The following FBXO25 variants were observed in gnomAD, a reference collection of about 807,000 sequenced individuals.
FBXO25 encodes the protein F-box only protein 25.
In FBXO25, 45 loss-of-function variants were observed where a neutral mutation model predicts 51.9. The ratio of observed to expected loss-of-function variants is 0.87; its 90% CI spans 0.68 to 1.11. The LOEUF (loss-of-function observed/expected upper bound fraction) is 1.11. Ranked by LOEUF, FBXO25 falls within the 50% of genes most tolerant of loss-of-function variation. The pLI is 0.00. For synonymous variants in FBXO25, 199 were observed against 151.0 expected, an observed-to-expected ratio of 1.32 and a Z score of -2.33; for missense variants, 507 against 428.5, an observed-to-expected ratio of 1.18 and a Z score of -1.62.
At position 451,334 on chromosome 8, in the gene FBXO25, T is replaced by C. The variant is rs373138185; in HGVS notation, c.541T>C (p.Cys181Arg). ...TCTGCAAGACCTAAGCTCTACCCTC[T>C]GCATTCTTATTAGAGGAGTAGGGAA... is the stretch of plus-strand genomic sequence containing the variant. ...DLLQDLSSTL[C>R]ILIRGVGKSV... The change falls in exon 7 of 10, where the codon TGC becomes CGC. Residue 181 changes from cysteine to arginine, a missense_variant. Cys to Arg is a radical substitution (Grantham distance 180, BLOSUM62 -3). Transcript: ENST00000350302. 2 of 1,613,986 alleles carry C rather than the reference T, an allele frequency of 1.2e-6. No individual in the cohort carries two copies. The highest frequency in any genetic ancestry group is 8.5e-7 in the Non-Finnish European group (1 of 1,179,932).
At chr8:464,658 T>A (rs576532266) in intron 9 of FBXO25, among the ~76,000 whole-genome samples, 1 of 152,366 alleles carries the variant, frequency 6.6e-6, no homozygotes, top group East Asian at 1.9e-4. Context: ...GCTTTTCATT[T>A]TTTCATTTCA....
At chr8:430,927 G>A (rs1442881961) in intron 2 of FBXO25, among the ~76,000 whole-genome samples, 1 of 152,170 alleles carries the variant, frequency 6.6e-6, no homozygotes, top group African/African-American at 2.4e-5. Flanking sequence ...CCCTTATATA[G>A]GGAGTAAACA....
rs556305620 is a variant in FBXO25 at position 472,262 on chromosome 8, G to T, written c.*3458G>T. ...CTTCTATTCCTAGTTTGTTTTTATC[G>T]TGAAAGGGTGTGGATTTTGTCAAAT... is the stretch of plus-strand genomic sequence containing the variant. On this transcript the variant is annotated 3_prime_UTR_variant, in exon 10 of 10. Coordinates refer to ENST00000350302, the MANE Select transcript of FBXO25 (RefSeq NM_183420.2). 1 of 152,108 alleles carries T rather than the reference G, an allele frequency of 6.6e-6. No homozygotes were observed. Among genetic ancestry groups the T allele is most frequent in the African/African-American group, 2.4e-5 (1 of 41,424 alleles). 9.4% of individuals were successfully genotyped at this position (152,108 alleles called of 1,614,324 possible). A position where few individuals can be genotyped will look rare whatever the true frequency, so the allele number is the denominator to read the frequency against.
chr8:461,624 G>A (rs1799817892), intron 8 of FBXO25, among the ~76,000 whole-genome samples: 1 of 152,002 alleles, frequency 6.6e-6, no homozygotes, highest in South Asian at 2.1e-4. Flanking sequence ...TAAAACATCA[G>A]CATCACCTCA....
Position 474,171 on chromosome 8 carries a change from T to G in FBXO25, c.*5367T>G. ...TCTCCTTTGTCTCTTTTAATTTGAC[T>G]TCTGTAGGGACCTCGTATGAGTGGA... On this transcript the variant is annotated 3_prime_UTR_variant, in exon 10 of 10. Transcript: ENST00000350302. The G allele has an allele frequency of 6.3e-6, 1 of 157,632 alleles. No homozygotes were observed. Among genetic ancestry groups the G allele is most frequent in the Non-Finnish European group, 1.4e-5 (1 of 72,294 alleles). 9.8% of individuals were successfully genotyped at this position (157,632 alleles called of 1,614,324 possible).
intron 3 of FBXO25, among the ~76,000 whole-genome samples, chr8:431,929 T>C (rs961583855): frequency 1.3e-5 from 2 of 152,194 alleles, no homozygotes; most frequent in African/African-American, 4.8e-5. Context: ...TATAGTAGGC[T>C]CCCTTACCTC....
At chr8:452,023 T>C (rs1282539355) in intron 7 of FBXO25, among the ~76,000 whole-genome samples, 1 of 152,198 alleles carries the variant, frequency 6.6e-6, no homozygotes, top group Non-Finnish European at 1.5e-5. Flanking sequence ...CTAGTACTCA[T>C]AAGAAAAAGA....
At chr8:409,325 A>G (rs1328748388) in intron 1 of FBXO25, among the ~76,000 whole-genome samples, 1 of 152,202 alleles carries the variant, frequency 6.6e-6, no homozygotes, top group Non-Finnish European at 1.5e-5. Flanking sequence ...AGAGAAACAA[A>G]TCTTTTCCTC....
chr8:463,719 T>C (rs116376831), intron 9 of FBXO25, among the ~76,000 whole-genome samples: 1,949 of 152,348 alleles, frequency 0.013, 37 homozygotes, highest in African/African-American at 0.044. Context: ...GCAAGTCTCA[T>C]CCCTTCATCC....
intron 4 of FBXO25, among the ~76,000 whole-genome samples, chr8:433,975 C>G (rs1211372106): frequency 2.0e-5 from 3 of 152,156 alleles, no homozygotes; most frequent in African/African-American, 4.8e-5. Context: ...CGTGAAAGAC[C>G]ATTAAATATT....
intron 8 of FBXO25, among the ~76,000 whole-genome samples, 156 bp from the exon 9 acceptor site, chr8:462,851 A>G (rs899425975): frequency 2.4e-4 from 36 of 152,176 alleles, no homozygotes; most frequent in African/African-American, 8.7e-4. Context: ...GCACTGTACA[A>G]TTCATCCATG....
chr8:463,827 T>C (rs575536180), intron 9 of FBXO25, among the ~76,000 whole-genome samples: 1 of 152,322 alleles, frequency 6.6e-6, no homozygotes, highest in African/African-American at 2.4e-5. Flanking sequence ...TCTTTTTTCT[T>C]TTTTGAAATA....
chr8:425,892 CTTT>C (rs202143545), intron 2 of FBXO25, among the ~76,000 whole-genome samples: 1 of 139,472 alleles, frequency 7.2e-6, no homozygotes, highest in African/African-American at 2.6e-5. Context: ...TTTCTTCCTC[CTTT>C]TTTTTTTTTT....
In FBXO25 at chr8:477,130, C is replaced by T. The variant is rs931012708; in HGVS notation, c.*8326C>T. 1 of 152,170 alleles carries T rather than the reference C, an allele frequency of 6.6e-6. No individual in the cohort carries two copies. The highest frequency in any genetic ancestry group is 1.5e-5 in the Non-Finnish European group (1 of 68,040). 9.4% of individuals were successfully genotyped at this position (152,170 alleles called of 1,614,324 possible). ...CTGTTACTGATTTCTAGTTTCATCC[C>T]ACTGTGGCCAGAAAAGATATTTTAT... is the stretch of plus-strand genomic sequence containing the variant. On this transcript the variant is annotated 3_prime_UTR_variant, in exon 10 of 10. Transcript: ENST00000350302.
chr8:444,125 G>A (rs529028630), intron 5 of FBXO25, among the ~76,000 whole-genome samples: 2 of 152,322 alleles, frequency 1.3e-5, no homozygotes, highest in South Asian at 4.1e-4. Flanking sequence ...ACTTCAGATG[G>A]TGCCTTTCTA....
At chr8:450,173 A>G in intron 6 of FBXO25, 90 bp downstream of exon 6, 1 of 804,292 alleles carries the variant, frequency 1.2e-6, no homozygotes, top group East Asian at 2.6e-5. Flanking sequence ...TTTACCCAGT[A>G]CACATACTGT....
intron 8 of FBXO25, among the ~76,000 whole-genome samples, chr8:460,788 G>T (rs547653516): frequency 6.6e-6 from 1 of 152,220 alleles, no homozygotes; most frequent in African/African-American, 2.4e-5. Context: ...GGAGGACAGA[G>T]AAATTAATAT....
At chr8:437,166 A>G (rs576800039) in intron 5 of FBXO25, among the ~76,000 whole-genome samples, 11 of 152,254 alleles carry the variant, frequency 7.2e-5, no homozygotes, top group African/African-American at 2.6e-4. Context: ...CTCATCCTAA[A>G]CACTAATACC....
At chr8:431,242 C>G in intron 2 of FBXO25, 99 bp from the exon 3 acceptor site, 1 of 628,478 alleles carries the variant, frequency 1.6e-6, no homozygotes, top group South Asian at 2.0e-5. Context: ...TTCAAGCCCA[C>G]AGTCTGTCAC....
Sources: allele counts gnomAD v4.1 joint callset (sites outside exome capture counted in the v4.1 genomes callset), GRCh38; gene constraint gnomAD v4.1.1; transcripts MANE v1.5; gene names NCBI Gene and HGNC (gene_info 2026-07-23, HGNC 2026-07-21).